Variants in HDAC9 observed in about 807,000 individuals in gnomAD.
HDAC9 encodes histone deacetylase 9, also known as MEF-2 interacting transcription repressor (MITR) protein.
A neutral mutation model predicts 139.4 loss-of-function variants in HDAC9; 41 were observed. That is an observed-to-expected ratio of 0.29 (90% CI 0.23 to 0.38). HDAC9 has a LOEUF of 0.38. Ranked by LOEUF, HDAC9 falls within the 10% of genes least tolerant of loss-of-function variation. The pLI is 1.00. For missense variants in HDAC9, 1,147 were observed against 1,297.0 expected (o/e 0.88, Z 1.78); for synonymous variants, 517 against 476.2 (o/e 1.09, Z -1.12).
intron 17 of HDAC9, among the ~76,000 whole-genome samples, chr7:18,802,724 T>C (rs1793406931): frequency 6.6e-6 from 1 of 151,716 alleles, no homozygotes; most frequent in African/African-American, 2.4e-5. Flanking sequence ...TATATGCTTA[T>C]AAATCCTTTA....
chr7:18,785,829 C>T (rs571535685), intron 16 of HDAC9, among the ~76,000 whole-genome samples: 38 of 152,028 alleles, frequency 2.5e-4, no homozygotes, highest in Admixed American at 2.3e-3. Flanking sequence ...GCTGAATAAC[C>T]TCTGAATTTC....
chr7:18,576,764 TA>T (rs201052948), intron 2 of HDAC9, among the ~76,000 whole-genome samples: 3 of 150,096 alleles, frequency 2.0e-5, no homozygotes, highest in African/African-American at 4.9e-5. Flanking sequence ...TCTGCAATGA[TA>T]AAAAAAAATA....
chr7:18,368,110 A>G (rs959613720), intron 1 of HDAC9, among the ~76,000 whole-genome samples: 3 of 152,216 alleles, frequency 2.0e-5, no homozygotes, highest in East Asian at 1.9e-4. Context: ...CAGATTGCAT[A>G]TCATCCTTTC....
At chr7:18,937,900 C>T (rs1027864615) in intron 23 of HDAC9, among the ~76,000 whole-genome samples, 3 of 152,186 alleles carry the variant, frequency 2.0e-5, no homozygotes, top group African/African-American at 7.2e-5. Flanking sequence ...ATCTTTTGCT[C>T]TTAACCCAAC....
At chr7:18,391,031 A>G (rs1786427162) in intron 1 of HDAC9, among the ~76,000 whole-genome samples, 2 of 151,764 alleles carry the variant, frequency 1.3e-5, no homozygotes, top group Admixed American at 1.3e-4. Context: ...GGAAGTTGCA[A>G]TGAGCCAAGA....
intron 12 of HDAC9, among the ~76,000 whole-genome samples, chr7:18,709,596 A>G (rs560916713): frequency 1.6e-4 from 25 of 152,316 alleles, no homozygotes; most frequent in African/African-American, 4.6e-4. Flanking sequence ...AGCTTAATTC[A>G]CTTATTCAAC....
intron 12 of HDAC9, among the ~76,000 whole-genome samples, chr7:18,679,710 T>C (rs1003676499): frequency 1.2e-4 from 18 of 151,984 alleles, no homozygotes; most frequent in African/African-American, 3.9e-4. Context: ...AGAAATAATA[T>C]GTCTTATGAA....
intron 22 of HDAC9, among the ~76,000 whole-genome samples, chr7:18,901,872 C>A (rs1801756453): frequency 6.6e-6 from 1 of 151,934 alleles, no homozygotes; most frequent in East Asian, 1.9e-4. Context: ...TTTATTTGTC[C>A]CAAGAGTATG....
At chr7:18,760,512 T>G (rs1456174890) in intron 14 of HDAC9, among the ~76,000 whole-genome samples, 1 of 152,218 alleles carries the variant, frequency 6.6e-6, no homozygotes, top group African/African-American at 2.4e-5. Flanking sequence ...AGCATCAGAA[T>G]TCTGATCTTA....
chr7:18,745,531 C>CTT lies in HDAC9; in HGVS notation c.1910-3449_1910-3448dup, dbSNP rs565092002. On this transcript the variant is annotated intron_variant, in intron 13 of 25. Transcript: ENST00000686413. ...CAATGTAATGATTAGACTCTCTACT[C>CTT]TTTTTTTTTTTTTTTTTTTTTTTTT... Among the ~76,000 whole-genome samples, 187 of 90,524 alleles carry CTT rather than the reference C, an allele frequency of 2.1e-3. 16 individuals carry two copies. Among genetic ancestry groups the CTT allele is most frequent in the Middle Eastern group, 7.1e-3 (1 of 140 alleles). 59.4% of individuals were successfully genotyped at this position (90,524 alleles called of 152,430 possible). A position where few individuals can be genotyped will look rare whatever the true frequency, so the allele number is the denominator to read the frequency against.
intron 2 of HDAC9, among the ~76,000 whole-genome samples, chr7:18,259,604 A>T (rs753560308): frequency 6.6e-6 from 1 of 152,056 alleles, no homozygotes; most frequent in Non-Finnish European, 1.5e-5. Context: ...GACTCAAGGG[A>T]TTCACCTACC....
intron 2 of HDAC9, among the ~76,000 whole-genome samples, chr7:18,566,165 A>C (rs950117368): frequency 3.3e-5 from 5 of 152,242 alleles, no homozygotes; most frequent in African/African-American, 1.2e-4. Flanking sequence ...AGAAAATGGA[A>C]AGTAATATTT....
At position 18,996,227 on chromosome 7, in the gene HDAC9, T is replaced by C; in HGVS notation, c.*165T>C. 1.8e-6 allele frequency: 1 copy of C among 543,118 alleles called. No homozygotes were observed. 33.6% of individuals were successfully genotyped at this position (543,118 alleles called of 1,614,324 possible). On this transcript the variant is annotated 3_prime_UTR_variant, in exon 26 of 26. Coordinates refer to ENST00000686413, the MANE Select transcript of HDAC9 (RefSeq NM_178425.4). ...ACAGCAGCTTCACTTGTTCTTTGGATGGACTTGAAAGGGCATTAAAGATTC... is the reference window on the plus strand; with the variant it reads ...ACAGCAGCTTCACTTGTTCTTTGGACGGACTTGAAAGGGCATTAAAGATTC...
rs1226764428 is a variant in HDAC9, at chr7:19,000,118, C to T, written c.*4056C>T. ...TCAAAAGAAATGAAAACCAGATGGTCTATGCTAAGAAGTGAAGGCATTTTG... is the reference window on the plus strand; with the variant it reads ...TCAAAAGAAATGAAAACCAGATGGTTTATGCTAAGAAGTGAAGGCATTTTG... On this transcript the variant is annotated 3_prime_UTR_variant, in exon 26 of 26. Transcript: ENST00000686413. 1 of 152,172 alleles carries T rather than the reference C, an allele frequency of 6.6e-6. No individual in the cohort carries two copies. The highest frequency in any genetic ancestry group is 2.4e-5 in the African/African-American group (1 of 41,442). 9.4% of individuals were successfully genotyped at this position (152,172 alleles called of 1,614,324 possible). A position where few individuals can be genotyped will look rare whatever the true frequency, so the allele number is the denominator to read the frequency against.
intron 2 of HDAC9, among the ~76,000 whole-genome samples, chr7:18,581,549 TG>T (rs907968181): frequency 6.6e-6 from 1 of 152,184 alleles, no homozygotes; most frequent in Non-Finnish European, 1.5e-5. Context: ...ATAACAAGAA[TG>T]CCAGCAAGAA....
chr7:18,566,435 A>G (rs1822378922), intron 2 of HDAC9, among the ~76,000 whole-genome samples: 2 of 152,202 alleles, frequency 1.3e-5, no homozygotes, highest in Admixed American at 6.5e-5. Flanking sequence ...GATTTACCCA[A>G]AGAAGTCAAT....
Position 18,719,694 on chromosome 7 carries a change from CAA to C in HDAC9, c.1732-7880_1732-7879del, listed in dbSNP as rs796944000. On this transcript the variant is annotated intron_variant, in intron 12 of 25. Transcript: ENST00000686413. ...TCTCTTTTGCCTTTGGTCTTATACG[CAA>C]AAAAAGTACTCCTCTATTTCGTCTG... Among the ~76,000 whole-genome samples, 167 of 151,762 alleles carry C rather than the reference CAA, an allele frequency of 1.1e-3. 1 individual carries two copies. The highest frequency in any genetic ancestry group is 3.8e-3 in the African/African-American group (157 of 41,448).
At chr7:18,122,053 A>G (rs1248432745) in intron 1 of HDAC9, among the ~76,000 whole-genome samples, 1 of 152,208 alleles carries the variant, frequency 6.6e-6, no homozygotes, top group Non-Finnish European at 1.5e-5. Flanking sequence ...CAACTTCAAG[A>G]TCCATGGTAT....
intron 1 of HDAC9, among the ~76,000 whole-genome samples, chr7:18,460,937 C>T (rs1174525257): frequency 2.6e-5 from 4 of 151,936 alleles, no homozygotes; most frequent in African/African-American, 9.7e-5. Context: ...CATTTTGCAA[C>T]TCAACCTATT....
Sources: gnomAD v4.1 joint callset for allele counts (sites outside exome capture counted in the v4.1 genomes callset) on GRCh38, gnomAD v4.1.1 for gene constraint, MANE v1.5 for transcripts, NCBI Gene and HGNC (gene_info 2026-07-23, HGNC 2026-07-21) for gene names.